The following UGT8 variants were observed in gnomAD, a reference collection of about 807,000 sequenced individuals.
The protein encoded by UGT8 is 2-hydroxyacylsphingosine 1-beta-galactosyltransferase.
In UGT8, 12 loss-of-function variants were observed where a neutral mutation model predicts 40.5. That is an observed-to-expected ratio of 0.30 (90% CI 0.19 to 0.48). UGT8 has a LOEUF of 0.48. Among genes scored for constraint, UGT8 ranks in the 20% least tolerant of loss-of-function variants. The pLI is 0.99. For synonymous variants in UGT8, 224 were observed against 240.4 expected, an observed-to-expected ratio of 0.93 and a Z score of 0.63; for missense variants, 513 against 648.7, an observed-to-expected ratio of 0.79 and a Z score of 2.27.
intron 1 of UGT8, among the ~76,000 whole-genome samples, chr4:114,610,434 T>C (rs1730972004): frequency 6.6e-6 from 1 of 152,198 alleles, no homozygotes; most frequent in South Asian, 2.1e-4. Context: ...ACAATGGCAA[T>C]GATATACAAA....
rs144631185 is a variant in UGT8 at position 114,621,060 on chromosome 4, G to T, written c.-2-1819G>T. On this transcript the variant is annotated intron_variant, in intron 1 of 5. Coordinates refer to ENST00000310836, the MANE Select transcript of UGT8 (RefSeq NM_001128174.3). ...AGAATTCATTATATTGAATAGGTTG[G>T]TGGGTGTATTTGCACACTATATGGT... Among the ~76,000 whole-genome samples, 21 of 152,180 alleles carry T rather than the reference G, an allele frequency of 1.4e-4. No homozygotes were observed. The East Asian group carries it at 3.1e-3, about 22-fold the overall frequency.
At chr4:114,664,676 T>C (rs1734743747) in intron 3 of UGT8, among the ~76,000 whole-genome samples, 2 of 152,332 alleles carry the variant, frequency 1.3e-5, no homozygotes, top group Admixed American at 6.5e-5. Context: ...GAACCATAGA[T>C]TGACCCCAGC....
intron 2 of UGT8, among the ~76,000 whole-genome samples, chr4:114,641,212 A>G (rs561473718): frequency 3.9e-5 from 6 of 152,344 alleles, no homozygotes; most frequent in Non-Finnish European, 7.3e-5. Flanking sequence ...CAAAAGCTCT[A>G]CTATTGGTGG....
chr4:114,600,955 C>T (rs936816763), intron 1 of UGT8, among the ~76,000 whole-genome samples: 1 of 152,106 alleles, frequency 6.6e-6, no homozygotes, highest in African/African-American at 2.4e-5. Flanking sequence ...TAGTATTATA[C>T]AAGTCTTTAA....
intron 2 of UGT8, among the ~76,000 whole-genome samples, chr4:114,651,533 A>G (rs1733895417): frequency 6.6e-6 from 1 of 152,126 alleles, no homozygotes; most frequent in Admixed American, 6.6e-5. Context: ...TCTTGCTGAA[A>G]TACACTGATA....
chr4:114,635,643 A>G (rs948008949), intron 2 of UGT8, among the ~76,000 whole-genome samples: 3 of 152,208 alleles, frequency 2.0e-5, no homozygotes, highest in African/African-American at 7.2e-5. Flanking sequence ...AAATGCTTCA[A>G]GCTTTTGCAA....
At chr4:114,674,179 T>C (rs1045093136) in intron 5 of UGT8, among the ~76,000 whole-genome samples, 65 of 152,224 alleles carry the variant, frequency 4.3e-4, no homozygotes, top group African/African-American at 1.3e-3. Flanking sequence ...TGTAATCTTA[T>C]AGCTCCATCC....
At chr4:114,640,539 G>C (rs1733158870) in intron 2 of UGT8, among the ~76,000 whole-genome samples, 1 of 152,014 alleles carries the variant, frequency 6.6e-6, no homozygotes, top group Non-Finnish European at 1.5e-5. Context: ...CATATGCTAG[G>C]AGATCTCACC....
upstream of UGT8, chr4:114,598,606 G>A (rs1256598052): frequency 1.3e-5 from 2 of 152,222 alleles, no homozygotes; most frequent in Non-Finnish European, 2.9e-5. Flanking sequence ...ATGCTAGGCT[G>A]AGCGCGTGGC....
intron 2 of UGT8, among the ~76,000 whole-genome samples, chr4:114,624,536 A>G (rs965294120): frequency 2.0e-5 from 3 of 152,160 alleles, no homozygotes; most frequent in Admixed American, 1.3e-4. Flanking sequence ...ACTTTATTCA[A>G]GTTACTTTTA....
chr4:114,662,778 A>G (rs973144254), intron 2 of UGT8, among the ~76,000 whole-genome samples: 3 of 149,452 alleles, frequency 2.0e-5, no homozygotes, highest in Non-Finnish European at 4.5e-5. Context: ...TCCATTAAAT[A>G]CTTAATTAAG....
rs1203301675 is a variant in UGT8 at position 114,677,267 on chromosome 4, A to G, written c.*979A>G. 6.6e-6 allele frequency: 1 copy of G among 152,190 alleles called. No individual in the cohort carries two copies. Among genetic ancestry groups the G allele is most frequent in the Non-Finnish European group, 1.5e-5 (1 of 68,022 alleles). 9.4% of individuals were successfully genotyped at this position (152,190 alleles called of 1,614,324 possible). ...TTGAATGTTCAGGTGTTACATTTCC[A>G]AAGTTTAACTTTTAAAAAACCATCT... On this transcript the variant is annotated 3_prime_UTR_variant, in exon 6 of 6. Transcript: ENST00000310836.
intron 2 of UGT8, among the ~76,000 whole-genome samples, chr4:114,661,874 G>T (rs1224042208): frequency 6.6e-6 from 1 of 152,112 alleles, no homozygotes; most frequent in Non-Finnish European, 1.5e-5. Flanking sequence ...ATCAGTAAAG[G>T]CTATATATGG....
At chr4:114,658,657 A>G (rs963427527) in intron 2 of UGT8, among the ~76,000 whole-genome samples, 2 of 152,224 alleles carry the variant, frequency 1.3e-5, no homozygotes, top group Admixed American at 1.3e-4. Context: ...TTAAGAAGCT[A>G]CTTACAATTT....
Position 114,655,650 on chromosome 4 carries a change from A to G in UGT8, c.823-8345A>G, listed in dbSNP as rs1734139519. Among the ~76,000 whole-genome samples, 3 of 152,118 alleles carry G rather than the reference A, an allele frequency of 2.0e-5. No individual in the cohort carries two copies. In the South Asian group the frequency reaches 6.2e-4, roughly 31 times the overall value. On this transcript the variant is annotated intron_variant, in intron 2 of 5. Coordinates refer to ENST00000310836, the MANE Select transcript of UGT8 (RefSeq NM_001128174.3). ...AGAACCATCTGACAATAAGATTTCT[A>G]TATGATACCCTGTCACCCTCCAAAA...
intron 1 of UGT8, among the ~76,000 whole-genome samples, chr4:114,613,589 A>G (rs564861100): frequency 6.6e-6 from 1 of 152,280 alleles, no homozygotes; most frequent in South Asian, 2.1e-4. Context: ...ATATTTTTCT[A>G]AATTCCCAAG....
At chr4:114,607,888 C>A (rs201724915) in intron 1 of UGT8, among the ~76,000 whole-genome samples, 2 of 152,154 alleles carry the variant, frequency 1.3e-5, no homozygotes, top group South Asian at 4.1e-4. Flanking sequence ...CTCATTTTCA[C>A]CATTACCTGG....
intron 2 of UGT8, among the ~76,000 whole-genome samples, chr4:114,626,073 G>T (rs1420550609): frequency 1.3e-5 from 2 of 152,174 alleles, no homozygotes; most frequent in Non-Finnish European, 2.9e-5. Context: ...GATTATCATT[G>T]TGAAGGGCTG....
chr4:114,673,360 T>G (rs1265885691), intron 5 of UGT8, among the ~76,000 whole-genome samples: 2 of 152,166 alleles, frequency 1.3e-5, no homozygotes, highest in African/African-American at 4.8e-5. Flanking sequence ...TCCATGGACC[T>G]CCTCTGAACA....
Sources: allele counts gnomAD v4.1 joint callset (sites outside exome capture counted in the v4.1 genomes callset), GRCh38; gene constraint gnomAD v4.1.1; transcripts MANE v1.5; gene names NCBI Gene and HGNC (gene_info 2026-07-23, HGNC 2026-07-21).